Variants in HECW2 observed in about 807,000 individuals in gnomAD.
The protein encoded by HECW2 is HECT, C2 and WW domain containing E3 ubiquitin protein ligase 2, also known as E3 ubiquitin-protein ligase HECW2.
HECW2 carries 61 observed loss-of-function variants against 175.2 expected under a neutral mutation model. The ratio of observed to expected loss-of-function variants is 0.35; its 90% CI spans 0.28 to 0.43. The LOEUF (loss-of-function observed/expected upper bound fraction) is 0.43, where lower values mean the gene tolerates loss of function less well. HECW2 is among the 20% of genes least tolerant of loss of function. The pLI, the probability that HECW2 is intolerant of heterozygous loss-of-function variation, is 1.00. For missense variants in HECW2, 1,524 were observed against 2,000.5 expected, an observed-to-expected ratio of 0.76 and a Z score of 4.54; for synonymous variants, 671 against 731.0, an observed-to-expected ratio of 0.92 and a Z score of 1.32.
intron 3 of HECW2, 74 bp from the exon 4 acceptor site, chr2:196,334,592 C>A (rs2105804014): frequency 8.6e-7 from 1 of 1,161,738 alleles, no homozygotes; most frequent in Non-Finnish European, 1.3e-6. Flanking sequence ...TGGAAATCCA[C>A]CATACCACCT....
intron 1 of HECW2, among the ~76,000 whole-genome samples, chr2:196,526,443 G>A (rs1221223137): frequency 6.6e-6 from 1 of 151,176 alleles, no homozygotes; most frequent in Non-Finnish European, 1.5e-5. Flanking sequence ...GTAGCTCAGA[G>A]TAATTTGATC....
chr2:196,268,740 A>G (rs1346042174), intron 17 of HECW2, among the ~76,000 whole-genome samples: 1 of 152,204 alleles, frequency 6.6e-6, no homozygotes, highest in African/African-American at 2.4e-5. Context: ...GATATTAACT[A>G]GTGGCATGTG....
At chr2:196,323,922 T>G (rs10186054) in intron 6 of HECW2, among the ~76,000 whole-genome samples, 61 of 141,104 alleles carry the variant, frequency 4.3e-4, no homozygotes, top group African/African-American at 1.2e-3. Context: ...TTTGTTTGTT[T>G]TTTTTTTTTT....
At chr2:196,381,132 A>G (rs1694196297) in intron 2 of HECW2, among the ~76,000 whole-genome samples, 1 of 152,148 alleles carries the variant, frequency 6.6e-6, no homozygotes, top group Non-Finnish European at 1.5e-5. Context: ...GCCATTTACA[A>G]TAAGCACAGT....
intron 2 of HECW2, among the ~76,000 whole-genome samples, chr2:196,384,591 A>T (rs1026612611): frequency 3.8e-4 from 58 of 152,156 alleles, no homozygotes; most frequent in African/African-American, 1.2e-3. Flanking sequence ...CCAAAAAAAA[A>T]TTGTTTTAAT....
chr2:196,370,211 G>T lies in HECW2; in HGVS notation c.293-26447C>A, dbSNP rs576183906. On this transcript the variant is annotated intron_variant, in intron 2 of 28. Coordinates refer to ENST00000644978, the MANE Select transcript of HECW2 (RefSeq NM_001348768.2). ...TGGATACTGCTGCTGATTATTTAGG[G>T]CCCAAGGGCTCTTTAGTCAGCAGGT... Among the ~76,000 whole-genome samples, 16 of 151,892 alleles carry T rather than the reference G, an allele frequency of 1.1e-4. 2 individuals carry two copies. In the South Asian group the frequency reaches 3.3e-3, roughly 32 times the overall value.
intron 13 of HECW2, 116 bp downstream of exon 13, chr2:196,306,372 C>G: frequency 9.0e-7 from 1 of 1,109,862 alleles, no homozygotes; most frequent in Non-Finnish European, 1.3e-6. Context: ...AAGCTTGGAA[C>G]ACACTAAGTG....
chr2:196,257,526 C>A (rs937599674), intron 18 of HECW2, among the ~76,000 whole-genome samples: 7 of 152,148 alleles, frequency 4.6e-5, no homozygotes, highest in African/African-American at 1.4e-4. Flanking sequence ...TGTTCAGATA[C>A]CCTTCTGTTC....
chr2:196,498,157 A>G (rs905319141), intron 1 of HECW2, among the ~76,000 whole-genome samples: 2 of 152,164 alleles, frequency 1.3e-5, no homozygotes, highest in African/African-American at 4.8e-5. Context: ...AGGTAAAAGC[A>G]TCTTGGACTA....
At chr2:196,534,068 T>C (rs1478251325) in intron 1 of HECW2, among the ~76,000 whole-genome samples, 1 of 152,224 alleles carries the variant, frequency 6.6e-6, no homozygotes, top group Non-Finnish European at 1.5e-5. Flanking sequence ...TCATTTGCTT[T>C]CACTGATAAT....
At chr2:196,504,541 C>A (rs1047194267) in intron 1 of HECW2, among the ~76,000 whole-genome samples, 17 of 152,112 alleles carry the variant, frequency 1.1e-4, no homozygotes, top group Non-Finnish European at 5.9e-5. Context: ...ATCTATCCAC[C>A]ATGCAAATGC....
chr2:196,433,283 G>A lies in HECW2; in HGVS notation c.141C>T (p.Asn47=). ...MPENMTLQRA[N]SDTDLVTSES... is the part of the protein sequence containing the mutation. Reference sequence around the variant, plus strand: ...CAGAAGTCACCAGGTCGGTGTCGCTGTTGGCCCGCTGCAGGGTCATGTTCT... The same window carrying A: ...CAGAAGTCACCAGGTCGGTGTCGCTATTGGCCCGCTGCAGGGTCATGTTCT... Residue 47 remains asparagine (N), a synonymous_variant, in exon 2 of 29, where the codon AAC becomes AAT. Coordinates refer to ENST00000644978, the MANE Select transcript of HECW2 (RefSeq NM_001348768.2). 1 of 1,614,154 alleles carries A rather than the reference G, an allele frequency of 6.2e-7. No individual in the cohort carries two copies.
intron 1 of HECW2, among the ~76,000 whole-genome samples, chr2:196,514,945 T>C (rs1473061096): frequency 6.6e-6 from 1 of 152,142 alleles, no homozygotes; most frequent in Admixed American, 6.5e-5. Flanking sequence ...CATACACCCC[T>C]GCTTACCACA....
intron 1 of HECW2, among the ~76,000 whole-genome samples, chr2:196,458,383 T>G (rs1332006421): frequency 1.3e-5 from 2 of 152,058 alleles, no homozygotes; most frequent in African/African-American, 4.8e-5. Context: ...AAAGGTCTCA[T>G]AATGCTGGGA....
In HECW2 at chr2:196,254,152, C is replaced by T; in HGVS notation, c.3420-123G>A. 3.6e-6 allele frequency: 5 copies of T among 1,391,156 alleles called. No individual in the cohort carries two copies. The East Asian group carries it at 1.3e-4, about 37-fold the overall frequency. The allele number at this position is 1,391,156 out of a possible 1,614,324, so 86.2% of individuals were successfully genotyped here. ...TATATCCCAAAGAGAGCATCCGCCCCCTTTCTCTTGCAGGTAATTCTTGGT... is the reference window on the plus strand; with the variant it reads ...TATATCCCAAAGAGAGCATCCGCCCTCTTTCTCTTGCAGGTAATTCTTGGT... On this transcript the variant is annotated intron_variant, in intron 18 of 28. Transcript: ENST00000644978.
At chr2:196,381,485 C>T (rs1048219296) in intron 2 of HECW2, among the ~76,000 whole-genome samples, 1 of 152,150 alleles carries the variant, frequency 6.6e-6, no homozygotes, top group Non-Finnish European at 1.5e-5. Flanking sequence ...TCAAGCAGGT[C>T]ACTGGTTTCT....
chr2:196,320,512 C>A, intron 7 of HECW2, 73 bp from the exon 8 acceptor site: 1 of 831,068 alleles, frequency 1.2e-6, no homozygotes, highest in Non-Finnish European at 2.0e-6. Context: ...CACAGGCCAC[C>A]CACCAAATCC....
intron 13 of HECW2, among the ~76,000 whole-genome samples, chr2:196,298,137 C>T (rs1029435263): frequency 1.3e-5 from 2 of 151,918 alleles, no homozygotes; most frequent in Non-Finnish European, 2.9e-5. Flanking sequence ...TTATTTGGCA[C>T]GTATGTTGGA....
chr2:196,588,501 G>A (rs1691068322), intron 1 of HECW2, among the ~76,000 whole-genome samples: 1 of 152,186 alleles, frequency 6.6e-6, no homozygotes, highest in Non-Finnish European at 1.5e-5. Flanking sequence ...AGTTTGGAGA[G>A]GCTAGATCCA....
Sources: allele counts gnomAD v4.1 joint callset (sites outside exome capture counted in the v4.1 genomes callset), GRCh38; gene constraint gnomAD v4.1.1; transcripts MANE v1.5; gene names NCBI Gene and HGNC (gene_info 2026-07-23, HGNC 2026-07-21).